SRRM4: variants seen among roughly 807,000 people sequenced by gnomAD.
The protein encoded by SRRM4 is serine/arginine repetitive matrix 4, also known as serine/arginine repetitive matrix protein 4.
A neutral mutation model predicts 68.9 loss-of-function variants in SRRM4; 33 were observed. The ratio of observed to expected loss-of-function variants is 0.48; its 90% CI spans 0.36 to 0.64. The LOEUF is 0.64. SRRM4 is among the 30% of genes least tolerant of loss of function. SRRM4 has a pLI of 0.00. For synonymous variants in SRRM4, 318 were observed against 318.8 expected (o/e 1.00, Z 0.03); for missense variants, 817 against 827.1 (o/e 0.99, Z 0.15).
At chr12:119,008,916 G>A (rs537066597) in intron 1 of SRRM4, among the ~76,000 whole-genome samples, 1 of 151,942 alleles carries the variant, frequency 6.6e-6, no homozygotes, top group African/African-American at 2.4e-5. Flanking sequence ...AGGCAGGGCC[G>A]ACCGCCACCC....
chr12:119,082,346 A>G (rs919226818), intron 1 of SRRM4, among the ~76,000 whole-genome samples: 2 of 151,850 alleles, frequency 1.3e-5, no homozygotes, highest in African/African-American at 4.8e-5. Context: ...CTTTCTTAGC[A>G]TCTCCCATCT....
intron 1 of SRRM4, among the ~76,000 whole-genome samples, chr12:119,062,443 G>A (rs1953820374): frequency 1.3e-5 from 2 of 152,032 alleles, no homozygotes; most frequent in Admixed American, 6.6e-5. Flanking sequence ...TTTTTGGGCT[G>A]TATAAACTTT....
At position 118,989,540 on chromosome 12, in the gene SRRM4, C is replaced by T. The variant is rs112434802; in HGVS notation, c.131+7527C>T. On this transcript the variant is annotated intron_variant, in intron 1 of 12. Coordinates refer to ENST00000267260, the MANE Select transcript of SRRM4 (RefSeq NM_194286.4). The stretch of plus-strand genomic sequence containing the variant: ...GTATCTCTCCCGGCACCTGTCCCCC[C>T]ACACCTTCCAGCCCCCCACTCCATT... 7.6e-3 allele frequency among the ~76,000 whole-genome samples: 1,084 copies of T among 141,854 alleles called. 9 individuals are homozygous for T. The highest frequency in any genetic ancestry group is 0.011 in the Non-Finnish European group (730 of 65,138). The allele number at this position is 141,854 out of a possible 152,430, so 93.1% of individuals were successfully genotyped here.
At chr12:119,111,368 T>A (rs1194894325) in intron 2 of SRRM4, among the ~76,000 whole-genome samples, 3 of 152,200 alleles carry the variant, frequency 2.0e-5, no homozygotes, top group Non-Finnish European at 2.9e-5. Flanking sequence ...AGGGAGTTGA[T>A]GATCCCCATC....
intron 1 of SRRM4, among the ~76,000 whole-genome samples, chr12:119,027,451 CACCTG>C (rs1328616876): frequency 1.3e-5 from 2 of 152,310 alleles, no homozygotes; most frequent in African/African-American, 4.8e-5. Context: ...CAACTCAAGT[CACCTG>C]ACCATGAGAA....
intron 1 of SRRM4, among the ~76,000 whole-genome samples, chr12:119,045,484 G>T (rs959780776): frequency 4.3e-5 from 1 of 23,460 alleles, no homozygotes. Flanking sequence ...CCACTCCCCC[G>T]CTCCCCCCCG....
intron 9 of SRRM4, among the ~76,000 whole-genome samples, chr12:119,148,283 C>T (rs575659607): frequency 6.6e-6 from 1 of 152,298 alleles, no homozygotes; most frequent in Admixed American, 6.5e-5. Context: ...ACATGCAGAA[C>T]TGCCTTCCCA....
At chr12:118,995,815 A>T (rs1953345874) in intron 1 of SRRM4, among the ~76,000 whole-genome samples, 1 of 152,060 alleles carries the variant, frequency 6.6e-6, no homozygotes, top group African/African-American at 2.4e-5. Flanking sequence ...TCATGCATTT[A>T]CTCATCATCT....
At chr12:118,987,449 G>A (rs1281444358) in intron 1 of SRRM4, among the ~76,000 whole-genome samples, 1 of 152,174 alleles carries the variant, frequency 6.6e-6, no homozygotes, top group South Asian at 2.1e-4. Flanking sequence ...TTTTAAATGT[G>A]GCTTTGGTGC....
At chr12:119,045,123 C>T (rs183126967) in intron 1 of SRRM4, among the ~76,000 whole-genome samples, 10 of 152,210 alleles carry the variant, frequency 6.6e-5, no homozygotes, top group East Asian at 1.9e-4. Flanking sequence ...CTCAGCTATA[C>T]GGATGTGGGG....
chr12:119,041,146 A>G (rs183255034), intron 1 of SRRM4, among the ~76,000 whole-genome samples: 91 of 152,204 alleles, frequency 6.0e-4, no homozygotes, highest in African/African-American at 2.2e-3. Context: ...TGTGAAAGGT[A>G]CTCGTATTAC....
At chr12:119,039,748 GT>G (rs1953653369) in intron 1 of SRRM4, among the ~76,000 whole-genome samples, 1 of 152,204 alleles carries the variant, frequency 6.6e-6, no homozygotes, top group African/African-American at 2.4e-5. Flanking sequence ...GAAGGCTGCA[GT>G]AGAAAATGTG....
chr12:119,104,339 G>A (rs36035046), intron 2 of SRRM4, among the ~76,000 whole-genome samples: 1 of 151,912 alleles, frequency 6.6e-6, no homozygotes, highest in South Asian at 2.1e-4. Context: ...TAGAGCTGTT[G>A]TACTCTAGTG....
At chr12:119,014,826 T>C (rs1328460629) in intron 1 of SRRM4, among the ~76,000 whole-genome samples, 3 of 152,174 alleles carry the variant, frequency 2.0e-5, no homozygotes, top group East Asian at 1.9e-4. Context: ...TATGATTACA[T>C]ACAATTCTGT....
intron 1 of SRRM4, among the ~76,000 whole-genome samples, chr12:119,052,258 T>G (rs995931379): frequency 1.2e-4 from 19 of 152,106 alleles, no homozygotes; most frequent in African/African-American, 4.6e-4. Context: ...CATGTAGCAG[T>G]GATGGGTGCT....
Position 119,129,053 on chromosome 12 carries a change from C to T in SRRM4, c.615-1625C>T, listed in dbSNP as rs534216041. ...GGCACTCCAGGGCATGAATCCCAGG[C>T]GCTAGTTCCTAGAGGGGCAAAAAAC... On this transcript the variant is annotated intron_variant, in intron 7 of 12. Transcript: ENST00000267260. Among the ~76,000 whole-genome samples, 15 of 152,314 alleles carry T rather than the reference C, an allele frequency of 9.8e-5. No homozygotes were observed. In the South Asian group the frequency reaches 1.2e-3, roughly 13 times the overall value.
chr12:119,079,707 A>C (rs932876097), intron 1 of SRRM4, among the ~76,000 whole-genome samples: 13 of 151,934 alleles, frequency 8.6e-5, no homozygotes, highest in African/African-American at 2.9e-4. Context: ...CCCACTGTAA[A>C]CCCCCGAAGC....
At chr12:119,058,359 C>A in intron 1 of SRRM4, among the ~76,000 whole-genome samples, 1 of 152,082 alleles carries the variant, frequency 6.6e-6, no homozygotes, top group East Asian at 1.9e-4. Context: ...TCATATTGTA[C>A]CCCAGACACT....
At chr12:119,026,741 G>A (rs986088673) in intron 1 of SRRM4, among the ~76,000 whole-genome samples, 1 of 151,902 alleles carries the variant, frequency 6.6e-6, no homozygotes, top group African/African-American at 2.4e-5. Flanking sequence ...TAGAGACAGG[G>A]TTTCAACAGA....
Sources: allele counts gnomAD v4.1 joint callset (sites outside exome capture counted in the v4.1 genomes callset), GRCh38; gene constraint gnomAD v4.1.1; transcripts MANE v1.5; gene names NCBI Gene and HGNC (gene_info 2026-07-23, HGNC 2026-07-21).